CACNA1A: variants seen among roughly 807,000 people sequenced by gnomAD.
CACNA1A encodes the protein voltage-dependent P/Q-type calcium channel subunit alpha-1A.
CACNA1A carries 57 observed loss-of-function variants against 262.4 expected under a neutral mutation model. That is an observed-to-expected ratio of 0.22 (90% CI 0.18 to 0.27). The LOEUF (loss-of-function observed/expected upper bound fraction) is 0.27, where lower values mean the gene tolerates loss of function less well. Ranked by LOEUF, CACNA1A falls within the 10% of genes least tolerant of loss-of-function variation. CACNA1A has a pLI of 1.00. For synonymous variants in CACNA1A, 1,431 were observed against 1,419.3 expected (o/e 1.01, Z -0.18); for missense variants, 2,526 against 3,562.8 (o/e 0.71, Z 7.41).
At chr19:13,382,839 C>G (rs1322682008) in intron 3 of CACNA1A, among the ~76,000 whole-genome samples, 1 of 152,178 alleles carries the variant, frequency 6.6e-6, no homozygotes, top group Non-Finnish European at 1.5e-5. Flanking sequence ...TGCCTGGGCT[C>G]ATCAAATCCT....
At chr19:13,358,680 G>T (rs1237065697) in intron 6 of CACNA1A, among the ~76,000 whole-genome samples, 1 of 152,178 alleles carries the variant, frequency 6.6e-6, no homozygotes, top group African/African-American at 2.4e-5. Flanking sequence ...TGGGGGCAGG[G>T]ATACATCTTT....
In CACNA1A at chr19:13,449,952, C is replaced by T. The variant is rs563643097; in HGVS notation, c.539+2924G>A. Reference sequence around the variant, plus strand: ...GGTCAGGAGTTCAAGACCAGCCTGGCCAACATGGCGTAAACCCGTCTCTAC... The same window carrying T: ...GGTCAGGAGTTCAAGACCAGCCTGGTCAACATGGCGTAAACCCGTCTCTAC... On this transcript the variant is annotated intron_variant, in intron 3 of 46. Transcript: ENST00000360228. Among the ~76,000 whole-genome samples the T allele has an allele frequency of 2.0e-5, 3 of 152,102 alleles. No individual in the cohort carries two copies. In the South Asian group the frequency reaches 6.2e-4, roughly 32 times the overall value.
At chr19:13,459,259 T>C (rs1160650621) in intron 1 of CACNA1A, among the ~76,000 whole-genome samples, 1 of 152,082 alleles carries the variant, frequency 6.6e-6, no homozygotes, top group Non-Finnish European at 1.5e-5. Context: ...GGTTTGGCAT[T>C]TTGGAAGCAC....
At chr19:13,376,490 G>A (rs2059405438) in intron 3 of CACNA1A, among the ~76,000 whole-genome samples, 1 of 151,432 alleles carries the variant, frequency 6.6e-6, no homozygotes, top group Non-Finnish European at 1.5e-5. Context: ...TCTGTTTATA[G>A]CATGGATAAC....
chr19:13,330,070 G>A (rs1037780067), intron 10 of CACNA1A, among the ~76,000 whole-genome samples, 174 bp downstream of exon 10: 7 of 152,122 alleles, frequency 4.6e-5, no homozygotes, highest in African/African-American at 1.4e-4. Context: ...AGCTAGGCAC[G>A]GATGTTATTC....
intron 3 of CACNA1A, among the ~76,000 whole-genome samples, chr19:13,381,996 G>A (rs548632975): frequency 6.6e-6 from 1 of 152,276 alleles, no homozygotes; most frequent in African/African-American, 2.4e-5. Context: ...GGGCAAGGCC[G>A]GAAGCTGGGA....
chr19:13,477,758 A>G (rs567526881), intron 1 of CACNA1A, among the ~76,000 whole-genome samples: 1 of 152,336 alleles, frequency 6.6e-6, no homozygotes, highest in Non-Finnish European at 1.5e-5. Context: ...TGGCTCTGAC[A>G]GTGGCCTCTG....
At chr19:13,317,901 C>T (rs7247782) in intron 10 of CACNA1A, among the ~76,000 whole-genome samples, 44,605 of 152,092 alleles carry the variant, frequency 0.29, 7,114 homozygotes, top group East Asian at 0.45. Context: ...CCTGGACTTC[C>T]GGGGTCTGAC....
At position 13,374,777 on chromosome 19, in the gene CACNA1A, G is replaced by C. The variant is rs960632126; in HGVS notation, c.540-2998C>G. Among the ~76,000 whole-genome samples, 20 of 152,248 alleles carry C rather than the reference G, an allele frequency of 1.3e-4. No homozygotes were observed. The South Asian group carries it at 3.5e-3, about 27-fold the overall frequency. On this transcript the variant is annotated intron_variant, in intron 3 of 46. Coordinates refer to ENST00000360228, the MANE Select transcript of CACNA1A (RefSeq NM_001127222.2). Reference sequence around the variant, plus strand: ...AACATCAACTGAGCACTAATAACAAGCCAGGCCCTATCTCTGTGTGGGGGA... The same window carrying C: ...AACATCAACTGAGCACTAATAACAACCCAGGCCCTATCTCTGTGTGGGGGA...
chr19:13,396,844 T>C (rs945643322), intron 3 of CACNA1A, among the ~76,000 whole-genome samples: 1 of 120,474 alleles, frequency 8.3e-6, no homozygotes, highest in Non-Finnish European at 1.5e-5. Flanking sequence ...TTGGTTTGGC[T>C]GAGGGGAAGC....
rs540104577 is a variant in CACNA1A at position 13,352,803 on chromosome 19, C to T, written c.978+6803G>A. Among the ~76,000 whole-genome samples, 236 of 152,310 alleles carry T rather than the reference C, an allele frequency of 1.5e-3. 3 individuals are homozygous for T. The highest frequency in any genetic ancestry group is 5.4e-3 in the African/African-American group (224 of 41,572). ...ATCACTTCTTCTCTCGTGCAGCTTT[C>T]GCTCTGTTGCCCAGGCTGGAGTGCA... On this transcript the variant is annotated intron_variant, in intron 6 of 46. Transcript: ENST00000360228.
chr19:13,311,978 T>C lies in CACNA1A; in HGVS notation c.1668+691A>G, dbSNP rs182419286. Among the ~76,000 whole-genome samples, 298 of 152,340 alleles carry C rather than the reference T, an allele frequency of 2.0e-3. 1 individual carries two copies. Among genetic ancestry groups the C allele is most frequent in the African/African-American group, 7.0e-3 (289 of 41,576 alleles). ...TATTTGCGAACAACCTTAATTTCAC[T>C]TCCAGCTGCAGGGACATTCTGGCCT... On this transcript the variant is annotated intron_variant, in intron 12 of 46. Transcript: ENST00000360228.
Position 13,324,463 on chromosome 19 carries a change from G to A in CACNA1A, c.1345+5781C>T, listed in dbSNP as rs191964740. 4.8e-4 allele frequency among the ~76,000 whole-genome samples: 73 copies of A among 152,218 alleles called. 3 individuals are homozygous for A. In the East Asian group the frequency reaches 0.012, roughly 25 times the overall value. ...AATGCCTTCCCCACACACAAAAAACGGTGAGGTGGTGAGGCGATGGATGTG... is the reference window on the plus strand; with the variant it reads ...AATGCCTTCCCCACACACAAAAAACAGTGAGGTGGTGAGGCGATGGATGTG... On this transcript the variant is annotated intron_variant, in intron 10 of 46. Coordinates refer to ENST00000360228, the MANE Select transcript of CACNA1A (RefSeq NM_001127222.2).
chr19:13,461,640 G>A (rs1302027285), intron 1 of CACNA1A, among the ~76,000 whole-genome samples: 1 of 152,186 alleles, frequency 6.6e-6, no homozygotes, highest in Non-Finnish European at 1.5e-5. Context: ...GGCTTTCTCA[G>A]CCCAACCTCA....
rs752081667 is a variant in CACNA1A at position 13,207,508 on chromosome 19, G to A, written c.7326C>T (p.His2442=). ...GAYDAPPPVR[H]ASSGATGRSP... ...AGCGCCCGGTGGCGCCCGAGGACGCGTGTCGTACGGGGGGTGGCGCGTCGT... is the reference window on the plus strand; with the variant it reads ...AGCGCCCGGTGGCGCCCGAGGACGCATGTCGTACGGGGGGTGGCGCGTCGT... Residue 2442 remains histidine, a synonymous_variant, in exon 47 of 47, where the codon CAC becomes CAT. Coordinates refer to ENST00000360228, the MANE Select transcript of CACNA1A (RefSeq NM_001127222.2). This position sits in a 1 kb window ranked among gnomAD's most constrained non-coding sequence, Gnocchi z 5.7. 2 of 1,428,546 alleles carry A rather than the reference G, an allele frequency of 1.4e-6. No homozygotes were observed. The highest frequency in any genetic ancestry group is 2.7e-5 in the South Asian group (2 of 72,978). 88.5% of individuals were successfully genotyped at this position (1,428,546 alleles called of 1,614,324 possible).
chr19:13,376,161 G>A (rs935362006), intron 3 of CACNA1A, among the ~76,000 whole-genome samples: 6 of 152,244 alleles, frequency 3.9e-5, no homozygotes, highest in African/African-American at 1.2e-4. Context: ...AGAAGCTGCA[G>A]TAAGTTATCC....
chr19:13,402,789 CATATATACACACAT>C (rs1421390928), intron 3 of CACNA1A, among the ~76,000 whole-genome samples: 21 of 115,308 alleles, frequency 1.8e-4, no homozygotes, highest in South Asian at 9.4e-4. Context: ...CATATATATA[CATATATACACACAT>C]ATATATATAC....
At chr19:13,453,152 G>A (rs2060945679) in intron 2 of CACNA1A, 137 bp from the exon 3 acceptor site, 4 of 819,116 alleles carry the variant, frequency 4.9e-6, no homozygotes, top group Non-Finnish European at 7.8e-6. Context: ...ACCCCTCACT[G>A]CCTCTTGCAG....
chr19:13,268,117 G>C (rs1298765441), intron 24 of CACNA1A, among the ~76,000 whole-genome samples: 1 of 152,018 alleles, frequency 6.6e-6, no homozygotes, highest in African/African-American at 2.4e-5. Flanking sequence ...GTGGAATTCT[G>C]ATGTTTGATT....
Sources: gnomAD v4.1 joint callset for allele counts (sites outside exome capture counted in the v4.1 genomes callset) on GRCh38, gnomAD v4.1.1 for gene constraint, Gnocchi (gnomAD v3.1) non-coding constraint, MANE v1.5 for transcripts, NCBI Gene and HGNC (gene_info 2026-07-23, HGNC 2026-07-21) for gene names.